The following NKAIN3 variants were observed in gnomAD, a reference collection of about 807,000 sequenced individuals.
NKAIN3 encodes the protein sodium/potassium-transporting ATPase subunit beta-1-interacting protein 3.
In NKAIN3, 25 loss-of-function variants were observed where a neutral mutation model predicts 30.2. That is an observed-to-expected ratio of 0.83 (90% CI 0.60 to 1.16). NKAIN3 has a LOEUF of 1.16. NKAIN3 is among the 50% of genes most tolerant of loss of function. The pLI is 0.00. For synonymous variants in NKAIN3, 91 were observed against 89.6 expected (o/e 1.02, Z -0.09); for missense variants, 225 against 254.1 (o/e 0.89, Z 0.78).
At chr8:62,856,121 C>T (rs1820052690) in intron 4 of NKAIN3, 1 of 717,598 alleles carries the variant, frequency 1.4e-6, no homozygotes, top group African/African-American at 1.7e-5. Flanking sequence ...TTTCCCCTTT[C>T]TCCATTATAA....
At chr8:62,477,413 C>T (rs1806556364) in intron 1 of NKAIN3, among the ~76,000 whole-genome samples, 1 of 152,118 alleles carries the variant, frequency 6.6e-6, no homozygotes, top group Non-Finnish European at 1.5e-5. Context: ...TGAGCCAGGG[C>T]TCAGGCAATG....
At chr8:62,568,772 A>G (rs939934252) in intron 1 of NKAIN3, among the ~76,000 whole-genome samples, 3 of 152,206 alleles carry the variant, frequency 2.0e-5, no homozygotes, top group African/African-American at 4.8e-5. Flanking sequence ...TTGAATTTTA[A>G]GGATAGGAAA....
chr8:62,371,729 A>T (rs1246538584), intron 1 of NKAIN3, among the ~76,000 whole-genome samples: 2 of 151,962 alleles, frequency 1.3e-5, no homozygotes, highest in African/African-American at 4.8e-5. Context: ...TACACTAATA[A>T]ATAATTTGTA....
intron 3 of NKAIN3, among the ~76,000 whole-genome samples, chr8:62,594,287 A>T (rs1253848771): frequency 6.6e-6 from 1 of 151,960 alleles, no homozygotes; most frequent in Non-Finnish European, 1.5e-5. Flanking sequence ...TCCTGATACC[A>T]CCTTATAGAC....
At chr8:62,566,481 G>C (rs200783160) in intron 1 of NKAIN3, among the ~76,000 whole-genome samples, 2 of 140,636 alleles carry the variant, frequency 1.4e-5, no homozygotes, top group South Asian at 4.6e-4. Context: ...TTAATTAATG[G>C]CTTTATATTT....
rs1463735586 is a variant in NKAIN3 at position 62,741,404 on chromosome 8, AAGGAAGGAAGGAAGGAAGGCAGGC to A, written c.274-5526_274-5503del. Among the ~76,000 whole-genome samples the A allele has an allele frequency of 1.6e-3, 231 of 143,968 alleles. 4 individuals carry two copies. The highest frequency in any genetic ancestry group is 6.4e-3 in the African/African-American group (225 of 34,896). The allele number at this position is 143,968 out of a possible 152,430, so 94.4% of individuals were successfully genotyped here. On this transcript the variant is annotated intron_variant, in intron 3 of 6. Transcript: ENST00000623646. Reference sequence around the variant, plus strand: ...GAAGGAAGGAAGGAAGGAAGGAAGGAAGGAAGGAAGGAAGGAAGGCAGGCAAGCAAGCAAGCACACTCCAACCTT... The same window carrying A: ...GAAGGAAGGAAGGAAGGAAGGAAGGAAAGCAAGCAAGCACACTCCAACCTT...
rs567324848 is a variant in NKAIN3 at position 62,284,597 on chromosome 8, T to C, written c.54+35470T>C. On this transcript the variant is annotated intron_variant, in intron 1 of 6. Transcript: ENST00000623646. ...CTGAGCCAAGATTGCGCCATTTCAC[T>C]TCAGCCTGGGCAACAACAGCAAAAC... Among the ~76,000 whole-genome samples the C allele has an allele frequency of 6.6e-5, 10 of 152,140 alleles. No homozygotes were observed. The East Asian group carries it at 1.9e-3, about 29-fold the overall frequency.
At chr8:62,630,561 G>A (rs540827163) in intron 3 of NKAIN3, among the ~76,000 whole-genome samples, 35 of 152,074 alleles carry the variant, frequency 2.3e-4, no homozygotes, top group Non-Finnish European at 1.3e-4. Flanking sequence ...TCGCCAAAAC[G>A]TGCTTGATTA....
At chr8:62,826,424 T>A (rs576197522) in intron 4 of NKAIN3, among the ~76,000 whole-genome samples, 1 of 152,330 alleles carries the variant, frequency 6.6e-6, no homozygotes, top group Admixed American at 6.5e-5. Context: ...CTCTACTGAC[T>A]TCTATATTCT....
chr8:62,435,361 T>C (rs1002095799), intron 1 of NKAIN3, among the ~76,000 whole-genome samples: 1 of 152,132 alleles, frequency 6.6e-6, no homozygotes, highest in Non-Finnish European at 1.5e-5. Context: ...AGCATGAGCT[T>C]CCGTGTACTC....
intron 3 of NKAIN3, among the ~76,000 whole-genome samples, chr8:62,746,298 G>A (rs1028608258): frequency 5.3e-5 from 8 of 152,164 alleles, no homozygotes; most frequent in African/African-American, 1.4e-4. Flanking sequence ...GAATATACAC[G>A]ATTGCATTTA....
chr8:62,248,980 C>T lies in NKAIN3; in HGVS notation c.-94C>T, dbSNP rs1260333561. On this transcript the variant is annotated 5_prime_UTR_variant, in exon 1 of 7. Transcript: ENST00000623646. Reference sequence around the variant, plus strand: ...GGCCGCGGGGCCGAGGAGCCTGGGCCGGGCCGGGCGGGGACTACTCCGGAG... The same window carrying T: ...GGCCGCGGGGCCGAGGAGCCTGGGCTGGGCCGGGCGGGGACTACTCCGGAG... 39 of 1,204,152 alleles carry T rather than the reference C, an allele frequency of 3.2e-5. No individual in the cohort carries two copies. In the Admixed American group the frequency reaches 7.1e-4, roughly 22 times the overall value. The allele number at this position is 1,204,152 out of a possible 1,614,324, so 74.6% of individuals were successfully genotyped here.
intron 4 of NKAIN3, among the ~76,000 whole-genome samples, chr8:62,849,364 C>A (rs987257252): frequency 1.4e-5 from 2 of 138,906 alleles, no homozygotes; most frequent in African/African-American, 5.4e-5. Flanking sequence ...CTCTATTGGT[C>A]TATTCAGGGA....
At chr8:62,430,541 A>G (rs1804964265) in intron 1 of NKAIN3, among the ~76,000 whole-genome samples, 1 of 151,664 alleles carries the variant, frequency 6.6e-6, no homozygotes, top group Admixed American at 6.6e-5. Context: ...TGGCTATACC[A>G]TTTGCATTCT....
chr8:62,558,968 C>G (rs1400934758), intron 1 of NKAIN3, among the ~76,000 whole-genome samples: 1 of 151,908 alleles, frequency 6.6e-6, no homozygotes, highest in East Asian at 1.9e-4. Flanking sequence ...TGTTTAGTTT[C>G]AAAGTTTGAG....
intron 4 of NKAIN3, among the ~76,000 whole-genome samples, chr8:62,870,672 T>C (rs1156317495): frequency 1.5e-5 from 2 of 131,470 alleles, no homozygotes; most frequent in African/African-American, 6.2e-5. Context: ...TATATAGATA[T>C]CTATATATCT....
intron 1 of NKAIN3, among the ~76,000 whole-genome samples, chr8:62,320,461 TG>T (rs1814838859): frequency 6.6e-6 from 1 of 152,182 alleles, no homozygotes; most frequent in Non-Finnish European, 1.5e-5. Context: ...GTTTTTGCAG[TG>T]GCTGGTACCG....
chr8:62,383,740 A>T (rs1213593204), intron 1 of NKAIN3, among the ~76,000 whole-genome samples: 1 of 152,146 alleles, frequency 6.6e-6, no homozygotes, highest in African/African-American at 2.4e-5. Flanking sequence ...AATCATTTAC[A>T]GTCTATAGGT....
At chr8:62,432,941 C>G (rs761253556) in intron 1 of NKAIN3, among the ~76,000 whole-genome samples, 2 of 152,068 alleles carry the variant, frequency 1.3e-5, no homozygotes, top group Non-Finnish European at 2.9e-5. Flanking sequence ...TTTGGTATGT[C>G]TGAACCAAGG....
Sources: gnomAD v4.1 joint callset for allele counts (sites outside exome capture counted in the v4.1 genomes callset) on GRCh38, gnomAD v4.1.1 for gene constraint, MANE v1.5 for transcripts, NCBI Gene and HGNC (gene_info 2026-07-23, HGNC 2026-07-21) for gene names.